CMTR2: variants seen among roughly 807,000 people sequenced by gnomAD.
CMTR2 encodes the protein cap-specific mRNA (nucleoside-2'-O-)-methyltransferase 2.
CMTR2 carries 40 observed loss-of-function variants against 49.8 expected under a neutral mutation model. That is an observed-to-expected ratio of 0.80 (90% CI 0.62 to 1.04). The LOEUF is 1.04. Ranked by LOEUF, CMTR2 falls within the 50% of genes least tolerant of loss-of-function variation. CMTR2 has a pLI of 0.00. For missense variants in CMTR2, 907 were observed against 897.2 expected (o/e 1.01, Z -0.14); for synonymous variants, 326 against 315.8 (o/e 1.03, Z -0.34).
chr16:71,283,486 TTGAA>T lies in CMTR2; in HGVS notation c.*118_*121del, dbSNP rs2041646565. 1.4e-5 allele frequency: 17 copies of T among 1,182,430 alleles called. No homozygotes were observed. Among genetic ancestry groups the T allele is most frequent in the Non-Finnish European group, 2.0e-5 (17 of 855,474 alleles). The allele number at this position is 1,182,430 out of a possible 1,614,324, so 73.2% of individuals were successfully genotyped here. ...ATGGTTTTCCAGAATTAATGAGACT[TTGAA>T]TGATGCAAATGTTGGCCTTTCCCCA... is the stretch of plus-strand genomic sequence containing the variant. On this transcript the variant is annotated 3_prime_UTR_variant, in exon 3 of 3. Transcript: ENST00000434935.
chr16:71,287,122 T>C (rs1326524314), intron 2 of CMTR2: 1 of 152,216 alleles, frequency 6.6e-6, no homozygotes, highest in Non-Finnish European at 1.5e-5. Flanking sequence ...ACACAATGCA[T>C]TCTACAAATG....
In CMTR2 at chr16:71,282,580, A is replaced by T. The variant is rs961466981; in HGVS notation, c.*1028T>A. 1.3e-5 allele frequency: 2 copies of T among 152,154 alleles called. No individual in the cohort carries two copies. The highest frequency in any genetic ancestry group is 2.4e-5 in the African/African-American group (1 of 41,460). The allele number at this position is 152,154 out of a possible 1,614,324, so 9.4% of individuals were successfully genotyped here. A position where few individuals can be genotyped will look rare whatever the true frequency, so the allele number is the denominator to read the frequency against. On this transcript the variant is annotated 3_prime_UTR_variant, in exon 3 of 3. Coordinates refer to ENST00000434935, the MANE Select transcript of CMTR2 (RefSeq NM_018348.6). Reference sequence around the variant, plus strand: ...TCATTACATTGCAGATACAAAAGAAATCAAATGTAACTGGCAAAATAACCA... The same window carrying T: ...TCATTACATTGCAGATACAAAAGAATTCAAATGTAACTGGCAAAATAACCA...
chr16:71,289,657 AG>A, upstream of CMTR2: 1 of 4,172 alleles, frequency 2.4e-4, no homozygotes, highest in Admixed American at 2.2e-3. Flanking sequence ...GGGGAGGGGG[AG>A]GGGGAGGGAG....
In CMTR2 at chr16:71,281,759, G is replaced by C. The variant is rs2041614702; in HGVS notation, c.*1849C>G. The C allele has an allele frequency of 6.6e-6, 1 of 151,944 alleles. No homozygotes were observed. Among genetic ancestry groups the C allele is most frequent in the Admixed American group, 6.6e-5 (1 of 15,260 alleles). 9.4% of individuals were successfully genotyped at this position (151,944 alleles called of 1,614,324 possible). ...GTGTTATATATTCCAGTACAGATTAGTGTCAACAAAACACTAAGCATTCAA... is the reference window on the plus strand; with the variant it reads ...GTGTTATATATTCCAGTACAGATTACTGTCAACAAAACACTAAGCATTCAA... On this transcript the variant is annotated 3_prime_UTR_variant, in exon 3 of 3. Transcript: ENST00000434935.
At position 71,282,131 on chromosome 16, in the gene CMTR2, G is replaced by C. The variant is rs2144830524; in HGVS notation, c.*1477C>G. The C allele has an allele frequency of 6.6e-6, 1 of 152,054 alleles. No individual in the cohort carries two copies. The highest frequency in any genetic ancestry group is 2.1e-4 in the South Asian group (1 of 4,812). 9.4% of individuals were successfully genotyped at this position (152,054 alleles called of 1,614,324 possible). Reference sequence around the variant, plus strand: ...TTAAGTATTCAATTTCTTTCCTGAAGTAGGCCTTCCATAAGTATTACAATA... The same window carrying C: ...TTAAGTATTCAATTTCTTTCCTGAACTAGGCCTTCCATAAGTATTACAATA... On this transcript the variant is annotated 3_prime_UTR_variant, in exon 3 of 3. Transcript: ENST00000434935.
rs1053511311 is a variant in CMTR2 at position 71,282,206 on chromosome 16, T to C, written c.*1402A>G. On this transcript the variant is annotated 3_prime_UTR_variant, in exon 3 of 3. Coordinates refer to ENST00000434935, the MANE Select transcript of CMTR2 (RefSeq NM_018348.6). Reference sequence around the variant, plus strand: ...CAAATCAGAGAAAATGAAAGAACATTAACTATCATTCAAAACTCCCTTTAA... The same window carrying C: ...CAAATCAGAGAAAATGAAAGAACATCAACTATCATTCAAAACTCCCTTTAA... 7 of 152,024 alleles carry C rather than the reference T, an allele frequency of 4.6e-5. No homozygotes were observed. The highest frequency in any genetic ancestry group is 1.7e-4 in the African/African-American group (7 of 41,422). The allele number at this position is 152,024 out of a possible 1,614,324, so 9.4% of individuals were successfully genotyped here. A position where few individuals can be genotyped will look rare whatever the true frequency, so the allele number is the denominator to read the frequency against.
At position 71,282,909 on chromosome 16, in the gene CMTR2, A is replaced by G. The variant is rs6499496; in HGVS notation, c.*699T>C. The G allele has an allele frequency of 0.17, 26,295 of 152,558 alleles. 2,831 individuals carry two copies. The highest frequency in any genetic ancestry group is 0.53 in the East Asian group (2,740 of 5,162). 9.5% of individuals were successfully genotyped at this position (152,558 alleles called of 1,614,324 possible). A position where few individuals can be genotyped will look rare whatever the true frequency, so the allele number is the denominator to read the frequency against. ...AACAAATAATTTTTCATTGTTCTAA[A>G]CATGATCTTTGGTTTAAAGCTGTCC... On this transcript the variant is annotated 3_prime_UTR_variant, in exon 3 of 3. Coordinates refer to ENST00000434935, the MANE Select transcript of CMTR2 (RefSeq NM_018348.6).
At chr16:71,286,154 T>A (rs1207196540) in intron 2 of CMTR2, among the ~76,000 whole-genome samples, 1 of 151,720 alleles carries the variant, frequency 6.6e-6, no homozygotes, top group African/African-American at 2.4e-5. Context: ...TATGGCTTAA[T>A]AAGCACCCTT....
At position 71,284,060 on chromosome 16, in the gene CMTR2, T is replaced by C. The variant is rs545239850; in HGVS notation, c.1861A>G (p.Thr621Ala). Reference sequence around the variant, plus strand: ...CAGTCCAAAAATAAACGCTGGTAAGTTGGATCTCCATCATGAAGCAATGAA... The same window carrying C: ...CAGTCCAAAAATAAACGCTGGTAAGCTGGATCTCCATCATGAAGCAATGAA... ...SCSLLHDGDP[T>A]YQRLFLDCLL... Residue 621 changes from threonine (T) to alanine (A), a missense_variant, in exon 3 of 3, where the codon ACT becomes GCT. Coordinates refer to ENST00000434935, the MANE Select transcript of CMTR2 (RefSeq NM_018348.6). The C allele has an allele frequency of 6.2e-7, 1 of 1,614,056 alleles. No individual in the cohort carries two copies. Among genetic ancestry groups the C allele is most frequent in the South Asian group, 1.1e-5 (1 of 91,074 alleles).
Position 71,284,098 on chromosome 16 carries a change from G to C in CMTR2, c.1823C>G (p.Thr608Arg). Reference sequence around the variant, plus strand: ...ATGAAGCAATGAACAGCTAAAAGTTGTGAGTTCAGCTGATTCTAGGAGTCG... The same window carrying C: ...ATGAAGCAATGAACAGCTAAAAGTTCTGAGTTCAGCTGATTCTAGGAGTCG... ...EVRLLESAEL[T>R]TFSCSLLHDG... The change falls in exon 3 of 3, where the codon ACA becomes AGA. Residue 608 changes from threonine to arginine, a missense_variant. Coordinates refer to ENST00000434935, the MANE Select transcript of CMTR2 (RefSeq NM_018348.6). 1 of 1,613,838 alleles carries C rather than the reference G, an allele frequency of 6.2e-7. No homozygotes were observed. The highest frequency in any genetic ancestry group is 8.5e-7 in the Non-Finnish European group (1 of 1,179,862).
chr16:71,286,175 C>T (rs13338238), intron 2 of CMTR2, among the ~76,000 whole-genome samples: 20,705 of 150,112 alleles, frequency 0.14, 1,625 homozygotes, highest in East Asian at 0.36. Context: ...GGGCAAATTC[C>T]ATCTCTTGGA....
Position 71,284,547 on chromosome 16 carries a change from T to C in CMTR2, c.1374A>G (p.Lys458=), listed in dbSNP as rs1188559066. 2.5e-6 allele frequency: 4 copies of C among 1,613,792 alleles called. No homozygotes were observed. In the African/African-American group the frequency reaches 5.3e-5, roughly 22 times the overall value. ...AACTATTAAAGTATCCTTTGGCTAC[T>C]TTATCTTTCCATGAAAGGGCTTCTA... ...KMLEALSWKD[K]VAKGYFNSWA... is the part of the protein sequence containing the mutation. Residue 458 remains lysine (K), a synonymous_variant, in exon 3 of 3, where the codon AAA becomes AAG. Coordinates refer to ENST00000434935, the MANE Select transcript of CMTR2 (RefSeq NM_018348.6).
intron 2 of CMTR2, chr16:71,288,616 A>G (rs2041772506): frequency 6.6e-6 from 1 of 151,258 alleles, no homozygotes; most frequent in Admixed American, 6.6e-5. Flanking sequence ...AGTGCACCTC[A>G]ACTTCACTCC....
Position 71,284,271 on chromosome 16 carries a change from A to G in CMTR2, c.1650T>C (p.Phe550=). Reference sequence around the variant, plus strand: ...ACTCGGAAAATATCAGTTCTTCAGAAAAAACATGACAAGAACAAGAATACT... The same window carrying G: ...ACTCGGAAAATATCAGTTCTTCAGAGAAAACATGACAAGAACAAGAATACT... The part of the protein sequence containing the change: ...KQQYSCSCHV[F]SEELIFSELC... The change falls in exon 3 of 3, where the codon TTT becomes TTC. Residue 550 remains phenylalanine, a synonymous_variant. Coordinates refer to ENST00000434935, the MANE Select transcript of CMTR2 (RefSeq NM_018348.6). 6.2e-7 allele frequency: 1 copy of G among 1,614,106 alleles called. No homozygotes were observed. The highest frequency in any genetic ancestry group is 1.1e-5 in the South Asian group (1 of 91,084).
rs1342486066 is a variant in CMTR2, at chr16:71,284,115, T to C, written c.1806A>G (p.Leu602=). 1.9e-6 allele frequency: 3 copies of C among 1,613,904 alleles called. No individual in the cohort carries two copies. The highest frequency in any genetic ancestry group is 2.5e-6 in the Non-Finnish European group (3 of 1,179,926). Residue 602 remains leucine (L), a synonymous_variant, in exon 3 of 3, where the codon CTA becomes CTG. Coordinates refer to ENST00000434935, the MANE Select transcript of CMTR2 (RefSeq NM_018348.6). ...KMHIPLEVRL[L]ESAELTTFSC... ...TAAAAGTTGTGAGTTCAGCTGATTCTAGGAGTCGAACTTCCAACGGTATAT... is the reference window on the plus strand; with the variant it reads ...TAAAAGTTGTGAGTTCAGCTGATTCCAGGAGTCGAACTTCCAACGGTATAT...
rs1205661743 is a variant in CMTR2 at position 71,285,060 on chromosome 16, C to G, written c.861G>C (p.Leu287Phe). ...CAAAACAACAGTTTAGCAGGTACAT[C>G]AAGTTTATGGAACAATGTTCAAACA... ...FTMFEHCSIN[L>F]MYLLNCCFDQ... Residue 287 changes from leucine to phenylalanine, a missense_variant, in exon 3 of 3, where the codon TTG becomes TTC. Leu to Phe is a conservative substitution (Grantham distance 22). Coordinates refer to ENST00000434935, the MANE Select transcript of CMTR2 (RefSeq NM_018348.6). The G allele has an allele frequency of 2.5e-6, 4 of 1,613,976 alleles. No individual in the cohort carries two copies. The highest frequency in any genetic ancestry group is 2.5e-6 in the Non-Finnish European group (3 of 1,179,942).
In CMTR2 at chr16:71,288,472, C is replaced by T. The variant is rs569321508; in HGVS notation, c.-20+406G>A. 2.0e-5 allele frequency: 3 copies of T among 152,160 alleles called. No homozygotes were observed. In the South Asian group the frequency reaches 6.2e-4, roughly 32 times the overall value. The allele number at this position is 152,160 out of a possible 1,614,324, so 9.4% of individuals were successfully genotyped here. A position where few individuals can be genotyped will look rare whatever the true frequency, so the allele number is the denominator to read the frequency against. On this transcript the variant is annotated intron_variant, in intron 2 of 2. Transcript: ENST00000434935. ...AGGACAGAGATCTTTGTTTTGTTTA[C>T]ACATAGACCATTCCAAGAAGTTGGA...
Position 71,284,523 on chromosome 16 carries a change from A to G in CMTR2, c.1398T>C (p.Ser466=), listed in dbSNP as rs866016844. 6.2e-7 allele frequency: 1 copy of G among 1,613,736 alleles called. No homozygotes were observed. ...GATATACACCATGTTCTTCAGCCCA[A>G]CTATTAAAGTATCCTTTGGCTACTT... is the stretch of plus-strand genomic sequence containing the variant. ...KDKVAKGYFN[S]WAEEHGVYHP... Residue 466 remains serine, a synonymous_variant, in exon 3 of 3, where the codon AGT becomes AGC. Coordinates refer to ENST00000434935, the MANE Select transcript of CMTR2 (RefSeq NM_018348.6).
At position 71,289,391 on chromosome 16, in the gene CMTR2, C is replaced by G. The variant is rs1189524974; in HGVS notation, c.-335G>C. The stretch of plus-strand genomic sequence containing the variant: ...GCCGCGAATGCCGGCAGACAGGGAC[C>G]AGGAGGCACTCAAGTCCCACTGCGC... On this transcript the variant is annotated 5_prime_UTR_variant, in exon 1 of 3. Coordinates refer to ENST00000434935, the MANE Select transcript of CMTR2 (RefSeq NM_018348.6). 6.6e-6 allele frequency: 1 copy of G among 152,278 alleles called. No homozygotes were observed. The highest frequency in any genetic ancestry group is 1.5e-5 in the Non-Finnish European group (1 of 68,088). 9.4% of individuals were successfully genotyped at this position (152,278 alleles called of 1,614,324 possible). A position where few individuals can be genotyped will look rare whatever the true frequency, so the allele number is the denominator to read the frequency against.
Sources: allele counts gnomAD v4.1 joint callset (sites outside exome capture counted in the v4.1 genomes callset), GRCh38; gene constraint gnomAD v4.1.1; transcripts MANE v1.5; gene names NCBI Gene and HGNC (gene_info 2026-07-23, HGNC 2026-07-21).